The following ELF5 variants were observed in gnomAD, a reference collection of about 807,000 sequenced individuals.
The protein encoded by ELF5 is E74 like ETS transcription factor 5, also known as ETS-related transcription factor Elf-5.
ELF5 carries 31 observed loss-of-function variants against 38.2 expected under a neutral mutation model. That is an observed-to-expected ratio of 0.81 (90% CI 0.61 to 1.10). The LOEUF is 1.10. Ranked by LOEUF, ELF5 falls within the 50% of genes least tolerant of loss-of-function variation. The pLI is 0.00. For missense variants in ELF5, 300 were observed against 306.6 expected (o/e 0.98, Z 0.16); for synonymous variants, 121 against 112.5 (o/e 1.08, Z -0.48).
chr11:34,508,395 C>G (rs190065967), intron 1 of ELF5, among the ~76,000 whole-genome samples: 1 of 151,980 alleles, frequency 6.6e-6, no homozygotes, highest in East Asian at 1.9e-4. Context: ...CCCAGCTACT[C>G]GGGAGAGTGA....
chr11:34,512,140 G>A (rs1433162398), intron 1 of ELF5, among the ~76,000 whole-genome samples: 1 of 152,170 alleles, frequency 6.6e-6, no homozygotes, highest in Non-Finnish European at 1.5e-5. Flanking sequence ...CTAAGAAGGG[G>A]CCCACTGAGG....
chr11:34,504,132 C>T (rs1227014549), intron 2 of ELF5, among the ~76,000 whole-genome samples: 1 of 152,158 alleles, frequency 6.6e-6, no homozygotes, highest in Admixed American at 6.5e-5. Context: ...TGGCCTTATG[C>T]ATAGGTAGAG....
At chr11:34,489,945 G>A in intron 4 of ELF5, 64 bp downstream of exon 4, 1 of 1,577,756 alleles carries the variant, frequency 6.3e-7, no homozygotes, top group Non-Finnish European at 8.7e-7. Flanking sequence ...TAAAAGAATG[G>A]TCAAGCCCAT....
rs999674754 is a variant in ELF5, at chr11:34,489,940, G to T, written c.406+69C>A. ...TCAGCTTTTCAGTATGATCCTAAAAGAATGGTCAAGCCCATGTACCAATGA... is the reference window on the plus strand; with the variant it reads ...TCAGCTTTTCAGTATGATCCTAAAATAATGGTCAAGCCCATGTACCAATGA... On this transcript the variant is annotated intron_variant, in intron 4 of 6. Transcript: ENST00000257832. 1.5e-5 allele frequency: 23 copies of T among 1,561,734 alleles called. No individual in the cohort carries two copies. The Admixed American group carries it at 2.2e-4, about 15-fold the overall frequency.
intron 5 of ELF5, among the ~76,000 whole-genome samples, chr11:34,481,745 T>C (rs1423102109): frequency 6.6e-6 from 1 of 152,214 alleles, no homozygotes; most frequent in Non-Finnish European, 1.5e-5. Flanking sequence ...TGGAGTCCCA[T>C]TATCTGAGTC....
At chr11:34,486,756 G>A (rs1185606728) in intron 4 of ELF5, among the ~76,000 whole-genome samples, 1 of 152,230 alleles carries the variant, frequency 6.6e-6, no homozygotes, top group Non-Finnish European at 1.5e-5. Context: ...ATGTGATAAT[G>A]TAAGCAGAAC....
intron 6 of ELF5, 132 bp from the exon 7 acceptor site, chr11:34,480,446 T>G (rs1856910579): frequency 4.2e-6 from 3 of 719,032 alleles, no homozygotes; most frequent in Non-Finnish European, 7.1e-6. Flanking sequence ...TTTCATGCCC[T>G]GTTATCAACT....
chr11:34,506,269 A>G (rs1375407341), intron 1 of ELF5, among the ~76,000 whole-genome samples: 1 of 152,138 alleles, frequency 6.6e-6, no homozygotes, highest in East Asian at 1.9e-4. Context: ...CTCACTTAGA[A>G]GGGGGCACTA....
intron 1 of ELF5, chr11:34,511,684 T>TTCTCAGTG: frequency 7.6e-7 from 1 of 1,320,356 alleles, no homozygotes; most frequent in East Asian, 2.4e-5. Flanking sequence ...GCCTGTGGGC[T>TTCTCAGTG]TCTCAGTGTC....
intron 1 of ELF5, among the ~76,000 whole-genome samples, chr11:34,511,210 C>T (rs571834919): frequency 1.3e-5 from 2 of 152,304 alleles, no homozygotes; most frequent in Non-Finnish European, 2.9e-5. Flanking sequence ...GGAGGAAAAT[C>T]CAACCACTAC....
chr11:34,480,353 G>T, intron 6 of ELF5, 39 bp from the exon 7 acceptor site: 2 of 1,505,408 alleles, frequency 1.3e-6, no homozygotes, highest in Non-Finnish European at 9.2e-7. Flanking sequence ...GGGAGAGCTT[G>T]CACCCTAGGA....
At chr11:34,497,660 A>G (rs924825199) in intron 2 of ELF5, among the ~76,000 whole-genome samples, 13 of 152,216 alleles carry the variant, frequency 8.5e-5, no homozygotes. Context: ...TTCATGCCAA[A>G]GTGCACAATG....
At chr11:34,492,271 G>A (rs1037652694) in intron 3 of ELF5, 8 of 152,318 alleles carry the variant, frequency 5.3e-5, no homozygotes, top group African/African-American at 1.9e-4. Flanking sequence ...GTGCCCAAGG[G>A]CCACCATTCT....
At chr11:34,502,309 C>G (rs763187072) in intron 2 of ELF5, among the ~76,000 whole-genome samples, 4 of 152,262 alleles carry the variant, frequency 2.6e-5, no homozygotes, top group Non-Finnish European at 5.9e-5. Context: ...GATAGTATTT[C>G]CTGGGAGGTG....
intron 1 of ELF5, among the ~76,000 whole-genome samples, chr11:34,510,277 G>C (rs748576460): frequency 1.7e-4 from 25 of 150,250 alleles, no homozygotes; most frequent in Admixed American, 4.6e-4. Context: ...TCTTGCTTTT[G>C]GAAAAAATAT....
In ELF5 at chr11:34,509,335, A is replaced by G. The variant is rs565883311; in HGVS notation, c.-4-3582T>C. 6.6e-5 allele frequency among the ~76,000 whole-genome samples: 10 copies of G among 152,308 alleles called. No homozygotes were observed. In the South Asian group the frequency reaches 2.1e-3, roughly 32 times the overall value. On this transcript the variant is annotated intron_variant, in intron 1 of 6. Transcript: ENST00000257832. ...AGAGTGAGACTCTGTCTCGAAAACA[A>G]CAACAACAACAACAAAAACGTGCAT...
At chr11:34,511,523 G>T in intron 1 of ELF5, 1 of 1,614,234 alleles carries the variant, frequency 6.2e-7, no homozygotes, top group Non-Finnish European at 8.5e-7. Context: ...CTTCACACAT[G>T]AGAAAGTTGG....
At chr11:34,491,885 T>C (rs1850183597) in intron 3 of ELF5, 1 of 152,234 alleles carries the variant, frequency 6.6e-6, no homozygotes, top group Admixed American at 6.5e-5. Context: ...CAACAGGTTT[T>C]TTTTGTTTGT....
chr11:34,480,932 C>G lies in ELF5; in HGVS notation c.511G>C (p.Asp171His), dbSNP rs143609015. Residue 171 changes from aspartate to histidine, a missense_variant, in exon 6 of 7, where the codon GAC (aspartate) becomes CAC (histidine). Asp to His is a moderately conservative substitution (Grantham distance 81). Transcript: ENST00000257832. ...TTTTCTTCAGGAGATAGAAGCAGGT[C>G]TCGTACAAATTCCCATAGATGAGAA... ...QSSHLWEFVR[D>H]LLLSPEENCG... 12 of 1,613,836 alleles carry G rather than the reference C, an allele frequency of 7.4e-6. No individual in the cohort carries two copies. The highest frequency in any genetic ancestry group is 1.6e-4 in the Middle Eastern group (1 of 6,062).
Sources: allele counts gnomAD v4.1 joint callset (sites outside exome capture counted in the v4.1 genomes callset), GRCh38; gene constraint gnomAD v4.1.1; transcripts MANE v1.5; gene names NCBI Gene and HGNC (gene_info 2026-07-23, HGNC 2026-07-21).